The following RGS20 variants were observed in gnomAD, a reference collection of about 807,000 sequenced individuals.
RGS20 encodes the protein regulator of G protein signaling 20, also known as gz-selective GTPase-activating protein.
A neutral mutation model predicts 33.6 loss-of-function variants in RGS20; 30 were observed. The observed-to-expected ratio is 0.89, with a 90% CI of 0.67 to 1.21. The LOEUF (loss-of-function observed/expected upper bound fraction) is 1.21. Ranked by LOEUF, RGS20 falls within the 50% of genes most tolerant of loss-of-function variation. The probability of loss-of-function intolerance (pLI) is 0.00; values close to 1 mark genes in which losing one functional copy is unlikely to be tolerated. For missense variants in RGS20, 472 were observed against 502.4 expected, an observed-to-expected ratio of 0.94 and a Z score of 0.58; for synonymous variants, 208 against 197.9, an observed-to-expected ratio of 1.05 and a Z score of -0.43.
At chr8:53,914,103 T>C (rs1813420915) in intron 2 of RGS20, among the ~76,000 whole-genome samples, 1 of 145,510 alleles carries the variant, frequency 6.9e-6, no homozygotes, top group Non-Finnish European at 1.5e-5. Context: ...CCGTCATGGC[T>C]CACTGCAGCC....
At chr8:53,859,318 G>T (rs1202601175) in intron 1 of RGS20, among the ~76,000 whole-genome samples, 1 of 152,046 alleles carries the variant, frequency 6.6e-6, no homozygotes, top group Non-Finnish European at 1.5e-5. Context: ...ATTTTAAATG[G>T]CAAAAAATAT....
chr8:53,941,708 A>T (rs1814302273), intron 3 of RGS20, among the ~76,000 whole-genome samples: 2 of 152,220 alleles, frequency 1.3e-5, no homozygotes, highest in Non-Finnish European at 2.9e-5. Context: ...AAGACAATAA[A>T]TCTAGAAAAC....
chr8:53,930,769 G>A (rs758188440), intron 2 of RGS20, among the ~76,000 whole-genome samples: 4 of 151,712 alleles, frequency 2.6e-5, no homozygotes, highest in Admixed American at 6.6e-5. Context: ...GGCTGGTCTC[G>A]AACTCCTGAC....
intron 2 of RGS20, among the ~76,000 whole-genome samples, chr8:53,913,074 T>C (rs564589260): frequency 1.3e-5 from 2 of 152,170 alleles, no homozygotes; most frequent in South Asian, 4.2e-4. Flanking sequence ...CAAGCAATTC[T>C]CCTGCCTCGG....
chr8:53,867,638 T>A (rs1303221936), intron 1 of RGS20, among the ~76,000 whole-genome samples: 2 of 151,964 alleles, frequency 1.3e-5, no homozygotes, highest in East Asian at 1.9e-4. Context: ...CTTAGGTAAA[T>A]CCAACCATTA....
chr8:53,876,504 A>G (rs1812212813), intron 1 of RGS20: 1 of 152,250 alleles, frequency 6.6e-6, no homozygotes, highest in Non-Finnish European at 1.5e-5. Context: ...TCAGACTGTC[A>G]AATAGAATCT....
intron 1 of RGS20, among the ~76,000 whole-genome samples, chr8:53,859,997 C>T (rs377719408): frequency 1.4e-4 from 21 of 152,244 alleles, no homozygotes; most frequent in African/African-American, 4.3e-4. Flanking sequence ...CAAACCATAT[C>T]GGGGAGTAAA....
At chr8:53,859,196 A>G (rs147186437) in intron 1 of RGS20, among the ~76,000 whole-genome samples, 13 of 152,354 alleles carry the variant, frequency 8.5e-5, no homozygotes, top group African/African-American at 3.1e-4. Context: ...AATTTAAATA[A>G]CAAACGAACA....
chr8:53,897,890 G>A (rs73680355), intron 2 of RGS20, among the ~76,000 whole-genome samples: 13,392 of 152,186 alleles, frequency 0.088, 1,735 homozygotes, highest in African/African-American at 0.29. Context: ...ATTTCTAAAA[G>A]CTTGGTAGGT....
At chr8:53,923,286 A>G (rs1214497389) in intron 2 of RGS20, among the ~76,000 whole-genome samples, 1 of 152,166 alleles carries the variant, frequency 6.6e-6, no homozygotes, top group Non-Finnish European at 1.5e-5. Context: ...AAATATACGT[A>G]TAGAGTTTCT....
At chr8:53,917,520 G>A (rs1395453185) in intron 2 of RGS20, among the ~76,000 whole-genome samples, 1 of 152,136 alleles carries the variant, frequency 6.6e-6, no homozygotes, top group Non-Finnish European at 1.5e-5. Context: ...CCTGTTAAAT[G>A]TACATTGAAA....
At chr8:53,868,598 T>A (rs146308519) in intron 1 of RGS20, among the ~76,000 whole-genome samples, 209 of 152,258 alleles carry the variant, frequency 1.4e-3, no homozygotes, top group African/African-American at 4.2e-3. Context: ...AAGATAAGTA[T>A]ACAAAATGTG....
At chr8:53,859,688 T>C (rs566796090) in intron 1 of RGS20, among the ~76,000 whole-genome samples, 3 of 152,310 alleles carry the variant, frequency 2.0e-5, no homozygotes, top group Admixed American at 6.5e-5. Context: ...CTGGTTGATA[T>C]ATAAAGAAAA....
intron 2 of RGS20, among the ~76,000 whole-genome samples, chr8:53,888,296 G>T (rs1186595911): frequency 6.6e-6 from 1 of 152,162 alleles, no homozygotes; most frequent in Non-Finnish European, 1.5e-5. Context: ...GTGTTTGTTA[G>T]GTTTCAGTGA....
chr8:53,953,340 G>A (rs1470803265), intron 4 of RGS20, among the ~76,000 whole-genome samples: 1 of 152,172 alleles, frequency 6.6e-6, no homozygotes, highest in Non-Finnish European at 1.5e-5. Flanking sequence ...AGGCAACATA[G>A]TAAGACCTGA....
intron 2 of RGS20, among the ~76,000 whole-genome samples, chr8:53,932,079 C>T (rs974118696): frequency 3.9e-5 from 6 of 152,082 alleles, no homozygotes; most frequent in South Asian, 2.1e-4. Flanking sequence ...TGTTGAATAT[C>T]GGACCCCACT....
At chr8:53,867,632 G>C (rs1811950454) in intron 1 of RGS20, among the ~76,000 whole-genome samples, 1 of 151,816 alleles carries the variant, frequency 6.6e-6, no homozygotes, top group Non-Finnish European at 1.5e-5. Flanking sequence ...CCAAATCTTA[G>C]GTAAATCCAA....
At chr8:53,902,343 T>C (rs1223415941) in intron 2 of RGS20, among the ~76,000 whole-genome samples, 1 of 152,196 alleles carries the variant, frequency 6.6e-6, no homozygotes, top group Non-Finnish European at 1.5e-5. Flanking sequence ...TTGACTATTA[T>C]GTGTAGAACA....
chr8:53,922,735 C>G (rs1813686019), intron 2 of RGS20, among the ~76,000 whole-genome samples: 3 of 152,090 alleles, frequency 2.0e-5, no homozygotes, highest in South Asian at 4.1e-4. Flanking sequence ...TGCAGTGGTG[C>G]AATCATAGCT....
Sources: allele counts gnomAD v4.1 joint callset (sites outside exome capture counted in the v4.1 genomes callset), GRCh38; gene constraint gnomAD v4.1.1; transcripts MANE v1.5; gene names NCBI Gene and HGNC (gene_info 2026-07-23, HGNC 2026-07-21).